Variants in SGIP1 observed in about 807,000 individuals in gnomAD.
SGIP1 encodes the protein SH3GL interacting endocytic adaptor 1, also known as SH3-containing GRB2-like protein 3-interacting protein 1.
A neutral mutation model predicts 107.5 loss-of-function variants in SGIP1; 38 were observed. The observed-to-expected ratio is 0.35, with a 90% CI of 0.27 to 0.46. The LOEUF (loss-of-function observed/expected upper bound fraction) is 0.46, where lower values mean the gene tolerates loss of function less well. Among genes scored for constraint, SGIP1 ranks in the 20% least tolerant of loss-of-function variants. SGIP1 has a pLI of 1.00. For missense variants in SGIP1, 929 were observed against 1,019.5 expected (o/e 0.91, Z 1.21); for synonymous variants, 365 against 366.1 (o/e 1.00, Z 0.03).
At chr1:66,704,176 G>C (rs552995675) in intron 18 of SGIP1, 9 of 152,092 alleles carry the variant, frequency 5.9e-5, no homozygotes, top group African/African-American at 2.2e-4. Flanking sequence ...GCCTGCTTTG[G>C]AGAAGTTTCA....
intron 1 of SGIP1, among the ~76,000 whole-genome samples, chr1:66,583,427 C>G (rs558408212): frequency 6.6e-6 from 1 of 152,102 alleles, no homozygotes; most frequent in African/African-American, 2.4e-5. Flanking sequence ...TTTGCTCTTA[C>G]GCACTTTCGT....
At chr1:66,607,150 T>C (rs1463812260) in intron 1 of SGIP1, among the ~76,000 whole-genome samples, 1 of 152,214 alleles carries the variant, frequency 6.6e-6, no homozygotes, top group Non-Finnish European at 1.5e-5. Context: ...AGTTGTTTCT[T>C]AATTGCTGAT....
At chr1:66,643,415 T>G in intron 6 of SGIP1, 129 bp from the exon 7 acceptor site, 1 of 660,202 alleles carries the variant, frequency 1.5e-6, no homozygotes. Flanking sequence ...CTCCTTTACT[T>G]TTGTATGTTT....
chr1:66,552,926 T>C (rs1015474115), intron 1 of SGIP1, among the ~76,000 whole-genome samples: 1 of 152,078 alleles, frequency 6.6e-6, no homozygotes, highest in Non-Finnish European at 1.5e-5. Flanking sequence ...CCCTTTAAGG[T>C]GCTTCTCATT....
At chr1:66,655,981 G>A (rs1327010927) in intron 7 of SGIP1, among the ~76,000 whole-genome samples, 3 of 151,814 alleles carry the variant, frequency 2.0e-5, no homozygotes, top group African/African-American at 2.4e-5. Context: ...AACATTTAAT[G>A]CAAAAACATT....
At chr1:66,606,788 A>G (rs2066933555) in intron 1 of SGIP1, among the ~76,000 whole-genome samples, 1 of 152,216 alleles carries the variant, frequency 6.6e-6, no homozygotes, top group Non-Finnish European at 1.5e-5. Flanking sequence ...GAGTTCCTAC[A>G]GAGTGAGGGA....
intron 15 of SGIP1, among the ~76,000 whole-genome samples, chr1:66,683,305 C>T (rs1156254003): frequency 6.6e-6 from 1 of 152,074 alleles, no homozygotes; most frequent in African/African-American, 2.4e-5. Context: ...TCAGGGGGTG[C>T]CATGTATTTG....
chr1:66,680,725 T>C (rs552502989), intron 14 of SGIP1, among the ~76,000 whole-genome samples: 1 of 152,350 alleles, frequency 6.6e-6, no homozygotes, highest in African/African-American at 2.4e-5. Flanking sequence ...TTGCGGACTA[T>C]GCAAAATGCT....
intron 15 of SGIP1, chr1:66,684,085 T>G: frequency 6.5e-7 from 1 of 1,550,292 alleles, no homozygotes. Flanking sequence ...TGGTAGATAC[T>G]GTTATCTTTC....
In SGIP1 at chr1:66,747,824, A is replaced by G. The variant is rs1462126038; in HGVS notation, c.*4729A>G. ...CTTTTCCTTTTCCAAAAGATTATAC[A>G]TTTGAGCAAAATCCCATTCAGTCTA... On this transcript the variant is annotated 3_prime_UTR_variant, in exon 25 of 25. Coordinates refer to ENST00000371037, the MANE Select transcript of SGIP1 (RefSeq NM_032291.4). 6.6e-6 allele frequency: 1 copy of G among 152,028 alleles called. No homozygotes were observed. Among genetic ancestry groups the G allele is most frequent in the East Asian group, 1.9e-4 (1 of 5,204 alleles). 9.4% of individuals were successfully genotyped at this position (152,028 alleles called of 1,614,324 possible).
intron 7 of SGIP1, among the ~76,000 whole-genome samples, chr1:66,658,435 A>G (rs1193259642): frequency 6.6e-6 from 1 of 152,186 alleles, no homozygotes; most frequent in Non-Finnish European, 1.5e-5. Context: ...TAACTGAAAT[A>G]TTTATGGAGC....
At chr1:66,689,954 C>T (rs933350877) in intron 16 of SGIP1, among the ~76,000 whole-genome samples, 8 of 152,172 alleles carry the variant, frequency 5.3e-5, no homozygotes, top group Non-Finnish European at 1.0e-4. Context: ...ACCCACTGAC[C>T]GTGTCACAGA....
intron 18 of SGIP1, among the ~76,000 whole-genome samples, chr1:66,702,220 A>C (rs962869138): frequency 1.3e-5 from 2 of 152,234 alleles, no homozygotes; most frequent in Non-Finnish European, 2.9e-5. Context: ...CTTTTCTGAG[A>C]TTACACAGCT....
At chr1:66,557,106 GGTCA>G (rs1297631206) in intron 1 of SGIP1, among the ~76,000 whole-genome samples, 1 of 152,024 alleles carries the variant, frequency 6.6e-6, no homozygotes, top group Non-Finnish European at 1.5e-5. Context: ...TTTAGGTGAG[GGTCA>G]GTCAGAGAAT....
intron 1 of SGIP1, among the ~76,000 whole-genome samples, chr1:66,618,289 A>G (rs1021688554): frequency 6.6e-6 from 1 of 152,200 alleles, no homozygotes; most frequent in Admixed American, 6.5e-5. Context: ...TCCATCTGGT[A>G]TAGTTTGGGG....
At chr1:66,630,064 G>A (rs538758892) in intron 2 of SGIP1, among the ~76,000 whole-genome samples, 3 of 152,214 alleles carry the variant, frequency 2.0e-5, no homozygotes, top group Admixed American at 6.5e-5. Flanking sequence ...CACTGGAGCC[G>A]GTGCCCTTAG....
chr1:66,629,188 C>T (rs2149347686), intron 2 of SGIP1, among the ~76,000 whole-genome samples: 1 of 152,210 alleles, frequency 6.6e-6, no homozygotes, highest in Non-Finnish European at 1.5e-5. Flanking sequence ...CAGCAACCTG[C>T]TAGGGTAGAC....
At position 66,592,562 on chromosome 1, in the gene SGIP1, A is replaced by C. The variant is rs1037458262; in HGVS notation, c.11-33285A>C. ...CTCTTTCTTTTCCCCACGGAGTGAT[A>C]CCTTTGTTACATTTATAAACCTACA... On this transcript the variant is annotated intron_variant, in intron 1 of 24. Coordinates refer to ENST00000371037, the MANE Select transcript of SGIP1 (RefSeq NM_032291.4). 3.3e-5 allele frequency among the ~76,000 whole-genome samples: 5 copies of C among 152,158 alleles called. No homozygotes were observed. In the East Asian group the frequency reaches 9.6e-4, roughly 29 times the overall value.
chr1:66,621,758 G>A (rs1044832463), intron 1 of SGIP1, among the ~76,000 whole-genome samples: 3 of 152,158 alleles, frequency 2.0e-5, no homozygotes, highest in Non-Finnish European at 2.9e-5. Flanking sequence ...GTTCATTCAC[G>A]TTGCAGCCTG....
Sources: allele counts gnomAD v4.1 joint callset (sites outside exome capture counted in the v4.1 genomes callset), GRCh38; gene constraint gnomAD v4.1.1; transcripts MANE v1.5; gene names NCBI Gene and HGNC (gene_info 2026-07-23, HGNC 2026-07-21).